OPCML: variants seen among roughly 807,000 people sequenced by gnomAD.
The protein encoded by OPCML is opioid binding protein/cell adhesion molecule like, also known as opioid-binding protein/cell adhesion molecule.
Under a neutral mutation model 37.8 loss-of-function variants are expected in OPCML, and 13 were observed. The ratio of observed to expected loss-of-function variants is 0.34; its 90% CI spans 0.22 to 0.55. OPCML has a LOEUF of 0.55. OPCML is among the 20% of genes least tolerant of loss of function. OPCML has a pLI of 0.91. For synonymous variants in OPCML, 176 were observed against 168.8 expected (o/e 1.04, Z -0.33); for missense variants, 341 against 435.6 (o/e 0.78, Z 1.93).
At chr11:132,799,745 A>AAAAT (rs571294043) in intron 2 of OPCML, among the ~76,000 whole-genome samples, 2 of 151,940 alleles carry the variant, frequency 1.3e-5, no homozygotes, top group African/African-American at 4.8e-5. Flanking sequence ...AAAAAAAAAA[A>AAAAT]TGTGATATCT....
At chr11:132,627,854 A>G (rs144944095) in intron 3 of OPCML, among the ~76,000 whole-genome samples, 31 of 152,338 alleles carry the variant, frequency 2.0e-4, no homozygotes, top group African/African-American at 7.5e-4. Flanking sequence ...TCATTTCCAT[A>G]ACTTTGGGAA....
At chr11:133,240,706 T>C (rs1410649365) in intron 1 of OPCML, among the ~76,000 whole-genome samples, 14 of 152,230 alleles carry the variant, frequency 9.2e-5, no homozygotes. Context: ...ACCCTGCCTA[T>C]ATTTTCAATC....
chr11:133,241,597 T>C (rs1251917981), intron 1 of OPCML, among the ~76,000 whole-genome samples: 1 of 152,248 alleles, frequency 6.6e-6, no homozygotes, highest in African/African-American at 2.4e-5. Flanking sequence ...TATACCTAAC[T>C]AGCCTTCGCT....
chr11:132,864,495 C>T (rs1942446188), intron 2 of OPCML, among the ~76,000 whole-genome samples: 2 of 152,184 alleles, frequency 1.3e-5, no homozygotes, highest in African/African-American at 4.8e-5. Flanking sequence ...ATGTCTCCAC[C>T]TCACAGGGTT....
chr11:132,615,502 CA>C (rs1244132277), intron 3 of OPCML, among the ~76,000 whole-genome samples: 1 of 151,942 alleles, frequency 6.6e-6, no homozygotes, highest in East Asian at 1.9e-4. Context: ...AGAAATACAG[CA>C]ATAAAAATAA....
chr11:132,542,465 C>T (rs2096359059), intron 3 of OPCML, among the ~76,000 whole-genome samples: 2 of 152,184 alleles, frequency 1.3e-5, no homozygotes, highest in African/African-American at 4.8e-5. Flanking sequence ...CTGCATAGCA[C>T]CCAGTCTCTA....
intron 1 of OPCML, among the ~76,000 whole-genome samples, chr11:133,203,844 G>A (rs1179538027): frequency 1.3e-5 from 2 of 152,034 alleles, no homozygotes; most frequent in Admixed American, 6.5e-5. Context: ...GGATCACGAG[G>A]TCAGGAGATG....
At chr11:132,914,970 C>G (rs900323466) in intron 2 of OPCML, among the ~76,000 whole-genome samples, 2 of 152,240 alleles carry the variant, frequency 1.3e-5, no homozygotes, top group African/African-American at 4.8e-5. Flanking sequence ...ACATTGCCCT[C>G]CAGGTCTGAC....
intron 1 of OPCML, among the ~76,000 whole-genome samples, chr11:133,022,512 A>G (rs1026375400): frequency 6.9e-6 from 1 of 144,906 alleles, no homozygotes; most frequent in Non-Finnish European, 1.5e-5. Flanking sequence ...TTTATCCCTC[A>G]CCTCCCTCAC....
At chr11:132,871,069 A>C (rs74500570) in intron 2 of OPCML, among the ~76,000 whole-genome samples, 8,657 of 152,310 alleles carry the variant, frequency 0.057, 813 homozygotes, top group African/African-American at 0.19. Flanking sequence ...CATTACAAAA[A>C]AATGATAACT....
chr11:132,653,713 C>G (rs921632286), intron 3 of OPCML, among the ~76,000 whole-genome samples: 2 of 152,204 alleles, frequency 1.3e-5, no homozygotes, highest in African/African-American at 4.8e-5. Context: ...AAGTTGGTGG[C>G]AGAGTGTCTC....
intron 1 of OPCML, among the ~76,000 whole-genome samples, chr11:132,950,551 G>C (rs1487500846): frequency 6.6e-6 from 1 of 152,154 alleles, no homozygotes; most frequent in Non-Finnish European, 1.5e-5. Context: ...ACATCAGGAC[G>C]ACAGTGGGAG....
intron 1 of OPCML, among the ~76,000 whole-genome samples, chr11:133,497,681 C>T (rs1374611329): frequency 6.6e-6 from 1 of 152,064 alleles, no homozygotes; most frequent in Non-Finnish European, 1.5e-5. Context: ...CCAGCTCAGT[C>T]CAGCTAGTGT....
chr11:133,299,842 C>T (rs539408689), intron 1 of OPCML: 1 of 152,144 alleles, frequency 6.6e-6, no homozygotes, highest in African/African-American at 2.4e-5. Context: ...AGAAGGGATC[C>T]CTACCTAGAA....
At chr11:133,007,820 CA>C (rs1248814225) in intron 1 of OPCML, 2 of 985,270 alleles carry the variant, frequency 2.0e-6, no homozygotes, top group African/African-American at 3.5e-5. Context: ...CGGGATCACT[CA>C]GCTTTTTGCA....
At chr11:132,670,074 T>C (rs913518121) in intron 2 of OPCML, among the ~76,000 whole-genome samples, 2 of 152,150 alleles carry the variant, frequency 1.3e-5, no homozygotes, top group African/African-American at 4.8e-5. Context: ...GGCAAAGAAG[T>C]GAGCAAGATG....
intron 1 of OPCML, among the ~76,000 whole-genome samples, chr11:133,332,145 T>C (rs1392602322): frequency 6.6e-6 from 1 of 152,212 alleles, no homozygotes; most frequent in Non-Finnish European, 1.5e-5. Context: ...ACCTATCATC[T>C]CCCTAGTTAG....
At chr11:133,014,898 G>A (rs1350479794) in intron 1 of OPCML, among the ~76,000 whole-genome samples, 1 of 152,096 alleles carries the variant, frequency 6.6e-6, no homozygotes, top group African/African-American at 2.4e-5. Context: ...GAGAACTCTT[G>A]CATAATTCTC....
At chr11:133,355,778 G>A (rs1944274279) in intron 1 of OPCML, among the ~76,000 whole-genome samples, 1 of 152,144 alleles carries the variant, frequency 6.6e-6, no homozygotes, top group South Asian at 2.1e-4. Flanking sequence ...GTACCTCTCA[G>A]TCATTTAAAA....
Sources: allele counts gnomAD v4.1 joint callset (sites outside exome capture counted in the v4.1 genomes callset), GRCh38; gene constraint gnomAD v4.1.1; transcripts MANE v1.5; gene names NCBI Gene and HGNC (gene_info 2026-07-23, HGNC 2026-07-21).